Variants in FGGY observed in about 807,000 individuals in gnomAD.
FGGY encodes FGGY carbohydrate kinase domain-containing protein.
A neutral mutation model predicts 71.3 loss-of-function variants in FGGY; 72 were observed. That is an observed-to-expected ratio of 1.01 (90% confidence interval 0.84 to 1.23). FGGY has a LOEUF of 1.23. Among genes scored for constraint, FGGY ranks in the 50% most tolerant of loss-of-function variants. The pLI, the probability that FGGY is intolerant of heterozygous loss-of-function variation, is 0.00. For synonymous variants in FGGY, 251 were observed against 250.3 expected (o/e 1.00, Z -0.02); for missense variants, 668 against 682.3 (o/e 0.98, Z 0.23).
chr1:59,306,791 C>A (rs894511836), intron 1 of FGGY, among the ~76,000 whole-genome samples: 1 of 152,148 alleles, frequency 6.6e-6, no homozygotes, highest in African/African-American at 2.4e-5. Flanking sequence ...GTATAGAGTG[C>A]ACTTAGGAAG....
chr1:59,453,296 C>T (rs1199368870), intron 5 of FGGY, among the ~76,000 whole-genome samples: 2 of 152,212 alleles, frequency 1.3e-5, no homozygotes, highest in Non-Finnish European at 2.9e-5. Flanking sequence ...TCACTCCAGG[C>T]ATACTCTCTT....
At chr1:59,507,261 A>T (rs1229254598) in intron 6 of FGGY, among the ~76,000 whole-genome samples, 1 of 152,214 alleles carries the variant, frequency 6.6e-6, no homozygotes, top group Non-Finnish European at 1.5e-5. Context: ...GTCTTCTGTG[A>T]TTGGCTGAGA....
At chr1:59,403,546 T>A (rs147533803) in intron 5 of FGGY, among the ~76,000 whole-genome samples, 1 of 152,266 alleles carries the variant, frequency 6.6e-6, no homozygotes, top group Non-Finnish European at 1.5e-5. Context: ...AGATAGGAAG[T>A]GACTGAACTC....
chr1:59,459,660 C>G (rs1356993057), intron 6 of FGGY, among the ~76,000 whole-genome samples: 1 of 152,180 alleles, frequency 6.6e-6, no homozygotes, highest in African/African-American at 2.4e-5. Flanking sequence ...AGTTACCTAT[C>G]TAATCCTAAA....
At chr1:59,743,602 CTTT>C (rs56166782) in intron 14 of FGGY, among the ~76,000 whole-genome samples, 1 of 147,836 alleles carries the variant, frequency 6.8e-6, no homozygotes, top group African/African-American at 2.5e-5. Context: ...ATTTCCAGAT[CTTT>C]TTTTTTTTTT....
intron 8 of FGGY, among the ~76,000 whole-genome samples, chr1:59,577,662 AAT>A (rs1164097729): frequency 1.3e-5 from 2 of 152,170 alleles, no homozygotes; most frequent in Non-Finnish European, 2.9e-5. Flanking sequence ...GTTAAGTAGG[AAT>A]ATGTTAGTAG....
intron 8 of FGGY, among the ~76,000 whole-genome samples, chr1:59,567,982 C>G (rs180954160): frequency 5.3e-5 from 8 of 151,660 alleles, no homozygotes; most frequent in African/African-American, 1.7e-4. Context: ...CATCTGCACA[C>G]GCTTGTTTGA....
chr1:59,400,553 T>G (rs2061826892), intron 5 of FGGY, among the ~76,000 whole-genome samples: 2 of 151,902 alleles, frequency 1.3e-5, no homozygotes, highest in Non-Finnish European at 2.9e-5. Context: ...TTGTTTTTTT[T>G]TTTTGTATTC....
rs1266940973 is a variant in FGGY at position 59,624,212 on chromosome 1, G to A, written c.1012-1776G>A. Among the ~76,000 whole-genome samples, 5 of 151,956 alleles carry A rather than the reference G, an allele frequency of 3.3e-5. 1 individual carries two copies. Among genetic ancestry groups the A allele is most frequent in the Admixed American group, 1.3e-4 (2 of 15,256 alleles). ...AACTGCACCAATGGTATTCAACAACGTATACCTGGAAGTTCAGTAGACAAT... is the reference window on the plus strand; with the variant it reads ...AACTGCACCAATGGTATTCAACAACATATACCTGGAAGTTCAGTAGACAAT... On this transcript the variant is annotated intron_variant, in intron 9 of 15. Transcript: ENST00000303721.
intron 9 of FGGY, among the ~76,000 whole-genome samples, chr1:59,611,127 A>G (rs2096673054): frequency 1.3e-5 from 2 of 152,178 alleles, no homozygotes; most frequent in African/African-American, 4.8e-5. Flanking sequence ...ACTTCTGTAC[A>G]CTTAAACGTC....
chr1:59,585,151 C>T (rs947267660), intron 8 of FGGY, among the ~76,000 whole-genome samples: 6 of 152,096 alleles, frequency 3.9e-5, no homozygotes, highest in African/African-American at 1.4e-4. Context: ...ACTTTCTTCA[C>T]AGAATTGGAA....
chr1:59,646,402 A>G (rs1159207251), intron 11 of FGGY, among the ~76,000 whole-genome samples: 1 of 151,554 alleles, frequency 6.6e-6, no homozygotes, highest in African/African-American at 2.4e-5. Context: ...TGGTTTTCTG[A>G]TTATATATAT....
intron 5 of FGGY, among the ~76,000 whole-genome samples, chr1:59,412,384 A>G (rs935234599): frequency 6.6e-6 from 1 of 152,146 alleles, no homozygotes; most frequent in Admixed American, 6.5e-5. Context: ...GGATGATCCT[A>G]TGGGATAGAG....
chr1:59,753,332 G>A (rs193231547), intron 14 of FGGY, among the ~76,000 whole-genome samples: 2 of 151,700 alleles, frequency 1.3e-5, no homozygotes, highest in Admixed American at 6.6e-5. Context: ...AAACTCAGCA[G>A]TGCTGTTTCT....
At chr1:59,378,400 C>A (rs1470370111) in intron 4 of FGGY, among the ~76,000 whole-genome samples, 1 of 151,916 alleles carries the variant, frequency 6.6e-6, no homozygotes, top group South Asian at 2.1e-4. Context: ...TCCCCAGCCA[C>A]GCGAAACTGT....
intron 1 of FGGY, among the ~76,000 whole-genome samples, chr1:59,309,054 C>T (rs1332937394): frequency 6.6e-6 from 1 of 151,912 alleles, no homozygotes; most frequent in African/African-American, 2.4e-5. Flanking sequence ...TGCATAAATT[C>T]TTAGAAGATA....
rs3990362 is a variant in FGGY, at chr1:59,762,066, AT to A, written c.1575-418del. On this transcript the variant is annotated intron_variant, in intron 15 of 15. Coordinates refer to ENST00000303721, the MANE Select transcript of FGGY (RefSeq NM_018291.5). ...CTTTGTATATGCCTCTCATTTAGGA[AT>A]TTTTTTTTTTTTTTTTTTGATGGAG... Among the ~76,000 whole-genome samples, 678 of 141,486 alleles carry A rather than the reference AT, an allele frequency of 4.8e-3. 15 individuals are homozygous for A. In the East Asian group the frequency reaches 0.069, roughly 14 times the overall value. The allele number at this position is 141,486 out of a possible 152,430, so 92.8% of individuals were successfully genotyped here. A position where few individuals can be genotyped will look rare whatever the true frequency, so the allele number is the denominator to read the frequency against.
At chr1:59,601,165 A>G (rs1300277167) in intron 8 of FGGY, among the ~76,000 whole-genome samples, 1 of 152,094 alleles carries the variant, frequency 6.6e-6, no homozygotes, top group Non-Finnish European at 1.5e-5. Context: ...GGCCGGAGGC[A>G]CTCAAAACAA....
chr1:59,395,371 T>G (rs142250292), intron 5 of FGGY, among the ~76,000 whole-genome samples: 1 of 152,260 alleles, frequency 6.6e-6, no homozygotes, highest in African/African-American at 2.4e-5. Flanking sequence ...TTAAAAGGTG[T>G]TTTTAATGCC....
Sources: allele counts gnomAD v4.1 joint callset (sites outside exome capture counted in the v4.1 genomes callset), GRCh38; gene constraint gnomAD v4.1.1; transcripts MANE v1.5; gene names NCBI Gene and HGNC (gene_info 2026-07-23, HGNC 2026-07-21).